Variants in ZDHHC22 observed in about 807,000 individuals in gnomAD.
ZDHHC22 encodes zDHHC palmitoyltransferase 22.
ZDHHC22 carries 13 observed loss-of-function variants against 17.0 expected under a neutral mutation model. That is an observed-to-expected ratio of 0.76 (90% CI 0.50 to 1.21). The LOEUF is 1.21. Among genes scored for constraint, ZDHHC22 ranks in the 50% most tolerant of loss-of-function variants. The pLI is 0.00. For missense variants in ZDHHC22, 319 were observed against 342.3 expected, an observed-to-expected ratio of 0.93 and a Z score of 0.54; for synonymous variants, 138 against 154.7, an observed-to-expected ratio of 0.89 and a Z score of 0.80.
Position 77,133,717 on chromosome 14 carries a change from ACATTGAACATGGGGAC to A in ZDHHC22, c.742_757del (p.Val248SerfsTer28). 1 of 1,613,942 alleles carries A rather than the reference ACATTGAACATGGGGAC, an allele frequency of 6.2e-7. No homozygotes were observed. Among genetic ancestry groups the A allele is most frequent in the South Asian group, 1.1e-5 (1 of 91,080 alleles). ...CTGCTGCTTGGAGCTCTCACTTCCG[ACATTGAACATGGGGAC>A]CAGCAGGCCCAGCAGCCACCTCTTT... On this transcript the variant is annotated frameshift_variant, in exon 3 of 3. Coordinates refer to ENST00000319374, the MANE Select transcript of ZDHHC22 (RefSeq NM_174976.2). LOFTEE classifies it high-confidence loss of function.
intron 2 of ZDHHC22, among the ~76,000 whole-genome samples, chr14:77,135,689 A>C (rs1158077351): frequency 2.0e-5 from 3 of 152,190 alleles, no homozygotes; most frequent in Non-Finnish European, 2.9e-5. Flanking sequence ...AGGAATGCTG[A>C]CAGGCAAAGG....
chr14:77,142,005 A>C (rs1395322524), upstream of ZDHHC22: 1 of 152,420 alleles, frequency 6.6e-6, no homozygotes, highest in Non-Finnish European at 1.5e-5. Flanking sequence ...TGGATTCTCC[A>C]GCCATCATCC....
chr14:77,135,046 C>T (rs908813024), intron 2 of ZDHHC22, among the ~76,000 whole-genome samples: 1 of 152,162 alleles, frequency 6.6e-6, no homozygotes, highest in African/African-American at 2.4e-5. Flanking sequence ...GGCTTAGAGT[C>T]CTGGCTGGGC....
rs953464921 is a variant in ZDHHC22 at position 77,140,198 on chromosome 14, C to A, written c.-14-446G>T. Among the ~76,000 whole-genome samples, 2 of 152,112 alleles carry A rather than the reference C, an allele frequency of 1.3e-5. No individual in the cohort carries two copies. The highest frequency in any genetic ancestry group is 4.8e-5 in the African/African-American group (2 of 41,428). ...TTGGGGTCGGGGGCAGGAGAATCAGCGGCACTTGACCTGCTGGAAATCCTG... is the reference window on the plus strand; with the variant it reads ...TTGGGGTCGGGGGCAGGAGAATCAGAGGCACTTGACCTGCTGGAAATCCTG... On this transcript the variant is annotated intron_variant, in intron 1 of 2. Coordinates refer to ENST00000319374, the MANE Select transcript of ZDHHC22 (RefSeq NM_174976.2). This position sits in a 1 kb window ranked among gnomAD's most constrained non-coding sequence, Gnocchi z 5.9.
chr14:77,138,097 G>A (rs1291543697), intron 2 of ZDHHC22, among the ~76,000 whole-genome samples: 4 of 152,210 alleles, frequency 2.6e-5, no homozygotes, highest in Admixed American at 1.3e-4. Flanking sequence ...ACTACTGATT[G>A]TGGAAGCTAA....
chr14:77,135,473 AT>A (rs35783518), intron 2 of ZDHHC22, among the ~76,000 whole-genome samples: 43,900 of 148,026 alleles, frequency 0.3, 6,326 homozygotes, highest in South Asian at 0.37. Context: ...TAGCTGTATT[AT>A]TTTTTTTTTT....
In ZDHHC22 at chr14:77,140,219, T is replaced by C. The variant is rs967585209; in HGVS notation, c.-14-467A>G. ...TCAGCGGCACTTGACCTGCTGGAAA[T>C]CCTGCTTCACACTCCCCTTTCTCCG... On this transcript the variant is annotated intron_variant, in intron 1 of 2. Transcript: ENST00000319374. The surrounding 1 kb of genome is among the most constrained non-coding windows in gnomAD (Gnocchi z 5.9). 1.3e-5 allele frequency among the ~76,000 whole-genome samples: 2 copies of C among 151,992 alleles called. No homozygotes were observed. The highest frequency in any genetic ancestry group is 1.5e-5 in the Non-Finnish European group (1 of 67,962).
At position 77,139,352 on chromosome 14, in the gene ZDHHC22, G is replaced by A; in HGVS notation, c.387C>T (p.Phe129=). 1 of 1,600,974 alleles carries A rather than the reference G, an allele frequency of 6.2e-7. No individual in the cohort carries two copies. The highest frequency in any genetic ancestry group is 1.1e-5 in the South Asian group (1 of 88,670). ...GSRNMRNFVL[F]CLYTSLACLY... is the part of the protein sequence containing the mutation. Reference sequence around the variant, plus strand: ...GGCAGGCCAGGGAGGTGTAGAGGCAGAACAGGACGAAGTTGCGCATGTTCC... The same window carrying A: ...GGCAGGCCAGGGAGGTGTAGAGGCAAAACAGGACGAAGTTGCGCATGTTCC... Residue 129 remains phenylalanine, a synonymous_variant, in exon 2 of 3, where the codon TTC becomes TTT. Transcript: ENST00000319374.
rs979629269 is a variant in ZDHHC22 at position 77,131,427 on chromosome 14, C to T, written c.*2256G>A. 8 of 152,220 alleles carry T rather than the reference C, an allele frequency of 5.3e-5. No homozygotes were observed. The highest frequency in any genetic ancestry group is 1.7e-4 in the African/African-American group (7 of 41,442). The allele number at this position is 152,220 out of a possible 1,614,324, so 9.4% of individuals were successfully genotyped here. A position where few individuals can be genotyped will look rare whatever the true frequency, so the allele number is the denominator to read the frequency against. On this transcript the variant is annotated 3_prime_UTR_variant, in exon 3 of 3. Coordinates refer to ENST00000319374, the MANE Select transcript of ZDHHC22 (RefSeq NM_174976.2). ...AACATCCTGTAGGTCTCCCTGTTGC[C>T]CTTCCCCAGGATGTCAGGCCTCACC...
chr14:77,139,901 T>A, intron 1 of ZDHHC22, 149 bp from the exon 2 acceptor site: 1 of 816,368 alleles, frequency 1.2e-6, no homozygotes, highest in Non-Finnish European at 1.8e-6. Flanking sequence ...CCCAGTTCCC[T>A]AACCCCGGAT....
intron 2 of ZDHHC22, among the ~76,000 whole-genome samples, chr14:77,136,029 T>C (rs796494197): frequency 4.6e-5 from 7 of 152,282 alleles, no homozygotes; most frequent in African/African-American, 1.7e-4. Context: ...GACACATCAG[T>C]CAATCTCCCC....
chr14:77,136,433 T>TCA (rs1887137908), intron 2 of ZDHHC22, among the ~76,000 whole-genome samples: 1 of 152,204 alleles, frequency 6.6e-6, no homozygotes. Context: ...CTTACTGGAC[T>TCA]TTCTGGTAGC....
chr14:77,141,082 C>G (rs980266255), intron 1 of ZDHHC22: 1 of 152,370 alleles, frequency 6.6e-6, no homozygotes, highest in African/African-American at 2.4e-5. Flanking sequence ...CCGCGGAGAG[C>G]GTGGGCCTCT....
chr14:77,137,551 C>G (rs1887160809), intron 2 of ZDHHC22, among the ~76,000 whole-genome samples: 1 of 136,834 alleles, frequency 7.3e-6, no homozygotes, highest in Non-Finnish European at 1.6e-5. Flanking sequence ...ACCCACCCAC[C>G]CTCCCCCGTC....
At position 77,133,959 on chromosome 14, in the gene ZDHHC22, C is replaced by T. The variant is rs555619021; in HGVS notation, c.527-11G>A. ...AACCCAGGACAGCTCCTGCAGGGCA[C>T]GGGGAGGGGAAACACCAGAGCCGCT... On this transcript the variant is annotated splice_polypyrimidine_tract_variant and intron_variant, in intron 2 of 2. Coordinates refer to ENST00000319374, the MANE Select transcript of ZDHHC22 (RefSeq NM_174976.2). The T allele has an allele frequency of 1.4e-5, 22 of 1,551,330 alleles. No homozygotes were observed. The African/African-American group carries it at 1.5e-4, about 11-fold the overall frequency.
intron 2 of ZDHHC22, among the ~76,000 whole-genome samples, chr14:77,135,610 C>A (rs907293692): frequency 6.6e-6 from 1 of 152,164 alleles, no homozygotes; most frequent in Non-Finnish European, 1.5e-5. Context: ...TCTTCCATGT[C>A]GGCACAGATT....
upstream of ZDHHC22, chr14:77,142,088 G>C (rs552512165): frequency 6.5e-6 from 1 of 152,802 alleles, no homozygotes; most frequent in Admixed American, 6.5e-5. Context: ...CTGGGGGCTT[G>C]AGAGGTCAGC....
At position 77,133,990 on chromosome 14, in the gene ZDHHC22, CCCAGGCCACCGGCATAA is replaced by C. The variant is rs748984614; in HGVS notation, c.527-59_527-43del. The stretch of plus-strand genomic sequence containing the variant: ...GGGGAAACACCAGAGCCGCTTTACA[CCCAGGCCACCGGCATAA>C]CTGCGATCTAGGCAGGCTTTCCACC... On this transcript the variant is annotated intron_variant, in intron 2 of 2. Coordinates refer to ENST00000319374, the MANE Select transcript of ZDHHC22 (RefSeq NM_174976.2). 7.6e-5 allele frequency: 115 copies of C among 1,512,348 alleles called. No homozygotes were observed. In the East Asian group the frequency reaches 2.3e-3, roughly 31 times the overall value. The allele number at this position is 1,512,348 out of a possible 1,614,324, so 93.7% of individuals were successfully genotyped here. A position where few individuals can be genotyped will look rare whatever the true frequency, so the allele number is the denominator to read the frequency against.
chr14:77,133,620 C>A lies in ZDHHC22; in HGVS notation c.*63G>T, dbSNP rs940432826. The A allele has an allele frequency of 3.8e-6, 6 of 1,558,940 alleles. No homozygotes were observed. The African/African-American group carries it at 4.1e-5, about 11-fold the overall frequency. Reference sequence around the variant, plus strand: ...TGAGTCATGGGTGGAGACAAGGCTGCCATGGTTTTATGCTCAGGAGGAGTC... The same window carrying A: ...TGAGTCATGGGTGGAGACAAGGCTGACATGGTTTTATGCTCAGGAGGAGTC... On this transcript the variant is annotated 3_prime_UTR_variant, in exon 3 of 3. Coordinates refer to ENST00000319374, the MANE Select transcript of ZDHHC22 (RefSeq NM_174976.2).
Sources: allele counts gnomAD v4.1 joint callset (sites outside exome capture counted in the v4.1 genomes callset), GRCh38; gene constraint gnomAD v4.1.1; non-coding constraint Gnocchi (gnomAD v3.1); transcripts MANE v1.5; gene names NCBI Gene and HGNC (gene_info 2026-07-23, HGNC 2026-07-21).